GPC5: variants seen among roughly 807,000 people sequenced by gnomAD.
GPC5 encodes glypican 5.
GPC5 carries 47 observed loss-of-function variants against 53.9 expected under a neutral mutation model. The observed-to-expected ratio is 0.87, with a 90% CI of 0.69 to 1.11. GPC5 has a LOEUF of 1.11. GPC5 is among the 50% of genes most tolerant of loss of function. The pLI, the probability that GPC5 is intolerant of heterozygous loss-of-function variation, is 0.00. For missense variants in GPC5, 748 were observed against 713.1 expected (o/e 1.05, Z -0.56); for synonymous variants, 286 against 263.3 (o/e 1.09, Z -0.84).
intron 5 of GPC5, among the ~76,000 whole-genome samples, chr13:91,812,512 A>C (rs968779163): frequency 5.3e-5 from 8 of 152,326 alleles, no homozygotes; most frequent in African/African-American, 1.9e-4. Flanking sequence ...CCAAATGGGG[A>C]AACAAGGACT....
chr13:92,732,013 T>C (rs983963246), intron 7 of GPC5, among the ~76,000 whole-genome samples: 4 of 151,376 alleles, frequency 2.6e-5, no homozygotes, highest in Admixed American at 6.6e-5. Context: ...CTGTTCTTTA[T>C]GTCTGTGCAA....
chr13:91,787,911 A>G (rs994301863), intron 5 of GPC5, among the ~76,000 whole-genome samples: 7 of 152,178 alleles, frequency 4.6e-5, no homozygotes, highest in African/African-American at 9.6e-5. Context: ...TCCCCTTTAT[A>G]TAATAAGCAT....
chr13:92,435,419 A>C (rs1328462580), intron 7 of GPC5, among the ~76,000 whole-genome samples: 1 of 152,188 alleles, frequency 6.6e-6, no homozygotes, highest in Non-Finnish European at 1.5e-5. Context: ...AAAGGTCTGA[A>C]AGGCCTAAAA....
intron 7 of GPC5, among the ~76,000 whole-genome samples, chr13:92,538,754 T>C: frequency 1.1e-5 from 1 of 91,412 alleles, no homozygotes; most frequent in Non-Finnish European, 2.2e-5. Context: ...AGAATGATGG[T>C]TTCCAGCTTC....
chr13:92,764,107 C>T (rs1875298357), intron 7 of GPC5, among the ~76,000 whole-genome samples: 1 of 152,192 alleles, frequency 6.6e-6, no homozygotes, highest in Non-Finnish European at 1.5e-5. Context: ...GGCTACTCAG[C>T]TCAGCCAAGG....
chr13:91,671,889 A>G (rs1418496247), intron 2 of GPC5, among the ~76,000 whole-genome samples: 1 of 151,998 alleles, frequency 6.6e-6, no homozygotes, highest in African/African-American at 2.4e-5. Context: ...TGGTATCAAA[A>G]CAGACATAGA....
In GPC5 at chr13:91,453,634, TG is replaced by T. The variant is rs554522008; in HGVS notation, c.325+4716del. ...AACAGGCAGCCTAGGCTGGTAGTGT[TG>T]GGGAGACTTATTTCTATGTGTAGCA... On this transcript the variant is annotated intron_variant, in intron 2 of 7. Coordinates refer to ENST00000377067, the MANE Select transcript of GPC5 (RefSeq NM_004466.6). Among the ~76,000 whole-genome samples the T allele has an allele frequency of 4.0e-5, 6 of 151,566 alleles. No homozygotes were observed. In the South Asian group the frequency reaches 1.2e-3, roughly 31 times the overall value.
chr13:91,686,676 A>G (rs999686595), intron 2 of GPC5, among the ~76,000 whole-genome samples: 11 of 152,012 alleles, frequency 7.2e-5, no homozygotes, highest in African/African-American at 2.7e-4. Flanking sequence ...CTTTTAAGAA[A>G]AAAGGAAATG....
intron 7 of GPC5, among the ~76,000 whole-genome samples, chr13:92,825,059 C>A (rs9301837): frequency 0.25 from 37,513 of 151,598 alleles, 5,779 homozygotes; most frequent in East Asian, 0.66. Flanking sequence ...CTACTTGGGA[C>A]ACTAAAAAGT....
At chr13:91,903,552 G>C (rs1421054848) in intron 5 of GPC5, among the ~76,000 whole-genome samples, 2 of 152,066 alleles carry the variant, frequency 1.3e-5, no homozygotes, top group Non-Finnish European at 2.9e-5. Context: ...CTGTTCTGAT[G>C]TGTATGTATC....
chr13:91,647,342 C>A (rs961910095), intron 2 of GPC5, among the ~76,000 whole-genome samples: 6 of 152,096 alleles, frequency 3.9e-5, no homozygotes, highest in African/African-American at 1.2e-4. Flanking sequence ...GTTATTAAAC[C>A]GATGTTTCTT....
rs140187160 is a variant in GPC5 at position 91,837,705 on chromosome 13, C to G, written c.1281-70232C>G. ...ATTACATAGTATTTCATAGTAATAA[C>G]TTTTTTGAAGTTAGAAAATTATTAT... On this transcript the variant is annotated intron_variant, in intron 5 of 7. Transcript: ENST00000377067. Among the ~76,000 whole-genome samples, 83 of 152,146 alleles carry G rather than the reference C, an allele frequency of 5.5e-4. 1 individual carries two copies. The highest frequency in any genetic ancestry group is 2.0e-3 in the African/African-American group (81 of 41,492).
chr13:91,830,267 T>C (rs1481367201), intron 5 of GPC5, among the ~76,000 whole-genome samples: 1 of 152,136 alleles, frequency 6.6e-6, no homozygotes, highest in Non-Finnish European at 1.5e-5. Flanking sequence ...TATGGCTCTG[T>C]TCTGCCCAGC....
chr13:92,350,285 T>A (rs535148606), intron 7 of GPC5, among the ~76,000 whole-genome samples: 1 of 152,152 alleles, frequency 6.6e-6, no homozygotes, highest in Non-Finnish European at 1.5e-5. Context: ...CTGTACTCAA[T>A]GGTAAAAAAT....
intron 7 of GPC5, among the ~76,000 whole-genome samples, chr13:92,547,000 C>A (rs1882141205): frequency 6.6e-6 from 1 of 152,114 alleles, no homozygotes; most frequent in Non-Finnish European, 1.5e-5. Flanking sequence ...TTCCTTACAC[C>A]TTATACAAAA....
intron 7 of GPC5, among the ~76,000 whole-genome samples, chr13:92,296,547 G>C (rs868486966): frequency 6.6e-6 from 1 of 151,948 alleles, no homozygotes; most frequent in Non-Finnish European, 1.5e-5. Flanking sequence ...ACCCCTGCCT[G>C]GGCTCCCACT....
intron 7 of GPC5, among the ~76,000 whole-genome samples, chr13:92,637,895 G>C (rs1329294530): frequency 2.6e-5 from 4 of 152,164 alleles, no homozygotes; most frequent in Non-Finnish European, 5.9e-5. Context: ...GAGAAACATG[G>C]AAGAGAGAGC....
At chr13:92,333,530 G>T (rs2043302226) in intron 7 of GPC5, among the ~76,000 whole-genome samples, 1 of 152,006 alleles carries the variant, frequency 6.6e-6, no homozygotes, top group Non-Finnish European at 1.5e-5. Flanking sequence ...CTATTTATGG[G>T]GTGGTGGTGC....
intron 7 of GPC5, among the ~76,000 whole-genome samples, chr13:92,426,152 C>G (rs1023898907): frequency 6.6e-6 from 1 of 152,002 alleles, no homozygotes; most frequent in Non-Finnish European, 1.5e-5. Context: ...AGAATTTGTT[C>G]ATTTTATTTA....
Sources: allele counts gnomAD v4.1 joint callset (sites outside exome capture counted in the v4.1 genomes callset), GRCh38; gene constraint gnomAD v4.1.1; transcripts MANE v1.5; gene names NCBI Gene and HGNC (gene_info 2026-07-23, HGNC 2026-07-21).